Variants in SGO1 observed in about 807,000 individuals in gnomAD.
The protein encoded by SGO1 is serologically defined breast cancer antigen NY-BR-85.
Under a neutral mutation model 50.5 loss-of-function variants are expected in SGO1, and 39 were observed. The observed-to-expected ratio is 0.77, with a 90% CI of 0.60 to 1.01. SGO1 has a LOEUF of 1.01. SGO1 is among the 50% of genes least tolerant of loss of function. The pLI is 0.00. For missense variants in SGO1, 638 were observed against 606.0 expected (o/e 1.05, Z -0.55); for synonymous variants, 191 against 205.1 (o/e 0.93, Z 0.59).
chr3:20,169,258 G>A (rs140887085), downstream of SGO1: 65 of 985,234 alleles, frequency 6.6e-5, no homozygotes, highest in African/African-American at 1.0e-3. Context: ...AGATTACACA[G>A]AGATAAGTTG....
downstream of SGO1, among the ~76,000 whole-genome samples, chr3:20,168,291 A>G (rs761850123): frequency 6.6e-6 from 1 of 152,194 alleles, no homozygotes; most frequent in Admixed American, 6.5e-5. Flanking sequence ...AGGAGTTGGC[A>G]AACTTTTTTG....
chr3:20,178,947 G>A (rs188968062), intron 3 of SGO1, among the ~76,000 whole-genome samples: 93 of 152,276 alleles, frequency 6.1e-4, no homozygotes, highest in African/African-American at 2.1e-3. Flanking sequence ...TGAAAGATCA[G>A]TCTGAATTGA....
Position 20,174,719 on chromosome 3 carries a change from T to A in SGO1, c.812A>T (p.Asp271Val). ...QPGTFTKTKE[D>V]ILESKSEQTK... ...TTGTTCAGATTTAGATTCTAAAATG[T>A]CTTCTTTTGTTTTAGTAAACGTTCC... is the stretch of plus-strand genomic sequence containing the variant. Residue 271 changes from aspartate to valine, a missense_variant, in exon 6 of 8, where the codon GAC (aspartate) becomes GTC (valine). Physicochemically the swap from Asp to Val is radical, Grantham distance 152. Transcript: ENST00000412997. 1 of 1,613,996 alleles carries A rather than the reference T, an allele frequency of 6.2e-7. No homozygotes were observed.
Position 20,174,841 on chromosome 3 carries a change from G to T in SGO1, c.690C>A (p.Asp230Glu). 1 of 1,614,002 alleles carries T rather than the reference G, an allele frequency of 6.2e-7. No individual in the cohort carries two copies. Among genetic ancestry groups the T allele is most frequent in the Non-Finnish European group, 8.5e-7 (1 of 1,179,984 alleles). The change falls in exon 6 of 8, where the codon GAC (aspartate) becomes GAA (glutamate). Residue 230 changes from aspartate (D) to glutamate (E), a missense_variant. Transcript: ENST00000412997. ...CAGGTATGTGCATGTTTACTAGTGG[G>T]TCTAAAAATCCAACTCTTTCGAATT... Reference protein sequence around the residue: ...SFEFERVGFLDPLVNMHIPEN... With the variant: ...SFEFERVGFLEPLVNMHIPEN...
In SGO1 at chr3:20,170,639, C is replaced by T; in HGVS notation, c.*65G>A. 3 of 1,467,540 alleles carry T rather than the reference C, an allele frequency of 2.0e-6. No homozygotes were observed. The highest frequency in any genetic ancestry group is 2.5e-5 in the East Asian group (1 of 39,342). 90.9% of individuals were successfully genotyped at this position (1,467,540 alleles called of 1,614,324 possible). On this transcript the variant is annotated 3_prime_UTR_variant, in exon 8 of 8. Coordinates refer to ENST00000412997, the MANE Select transcript of SGO1 (RefSeq NM_001199251.3). Reference sequence around the variant, plus strand: ...GGCTCACTCTGTTTGTGTACTCTTACAGATCCTCTCCTGAAGCAACAGAAA... The same window carrying T: ...GGCTCACTCTGTTTGTGTACTCTTATAGATCCTCTCCTGAAGCAACAGAAA...
chr3:20,176,193 T>C (rs901572267), intron 5 of SGO1, among the ~76,000 whole-genome samples: 3 of 152,218 alleles, frequency 2.0e-5, no homozygotes, highest in Non-Finnish European at 4.4e-5. Context: ...GGAGTTCAAC[T>C]TTGATTTTAA....
downstream of SGO1, among the ~76,000 whole-genome samples, chr3:20,168,160 C>G (rs1413306896): frequency 6.6e-6 from 1 of 152,100 alleles, no homozygotes; most frequent in Non-Finnish European, 1.5e-5. Flanking sequence ...AACAATTCAA[C>G]ACTGATTTTA....
At chr3:20,186,717 A>C (rs1559383744), upstream of SGO1, 1 of 152,224 alleles carries the variant, frequency 6.6e-6, no homozygotes, top group Non-Finnish European at 1.5e-5. Context: ...TTTGCCGGCT[A>C]TCTCTGGCTC....
chr3:20,184,128 C>G, intron 1 of SGO1, 94 bp from the exon 2 acceptor site: 2 of 955,996 alleles, frequency 2.1e-6, no homozygotes, highest in Non-Finnish European at 2.9e-6. Context: ...ATTAAATAGA[C>G]TAAACTGTAG....
At chr3:20,175,736 T>C (rs1225709919) in intron 5 of SGO1, among the ~76,000 whole-genome samples, 2 of 151,770 alleles carry the variant, frequency 1.3e-5, no homozygotes, top group Non-Finnish European at 2.9e-5. Context: ...GAGGCAGAGC[T>C]TGTAGTGAGC....
intron 3 of SGO1, 58 bp downstream of exon 3, chr3:20,183,549 TA>T: frequency 7.5e-7 from 1 of 1,331,752 alleles, no homozygotes; most frequent in Non-Finnish European, 1.0e-6. Flanking sequence ...ATAATTGATC[TA>T]AACTACTTAT....
Position 20,183,473 on chromosome 3 carries a change from G to A in SGO1, c.339+135C>T, listed in dbSNP as rs528542667. The A allele has an allele frequency of 7.3e-5, 52 of 716,878 alleles. No homozygotes were observed. In the South Asian group the frequency reaches 1.1e-3, roughly 15 times the overall value. The allele number at this position is 716,878 out of a possible 1,614,324, so 44.4% of individuals were successfully genotyped here. A position where few individuals can be genotyped will look rare whatever the true frequency, so the allele number is the denominator to read the frequency against. On this transcript the variant is annotated intron_variant, in intron 3 of 7. Transcript: ENST00000412997. ...GGCCAAATGCAATAGCTATGCTGGAGCACTAAAGAAGGATGTTTTAAACAA... is the reference window on the plus strand; with the variant it reads ...GGCCAAATGCAATAGCTATGCTGGAACACTAAAGAAGGATGTTTTAAACAA...
intron 1 of SGO1, 102 bp from the exon 2 acceptor site, chr3:20,184,136 T>C (rs1702355240): frequency 2.4e-6 from 2 of 847,672 alleles, no homozygotes; most frequent in Non-Finnish European, 3.4e-6. Flanking sequence ...GACTAAACTG[T>C]AGAATTAGCT....
At chr3:20,161,190 A>C in exon 9 of SGO1, 1 of 1,609,876 alleles carries the variant, frequency 6.2e-7, no homozygotes, top group Non-Finnish European at 8.5e-7. Context: ...ATATAAAATA[A>C]AAATTGCTTC....
intron 6 of SGO1, among the ~76,000 whole-genome samples, chr3:20,172,545 A>G (rs557142153): frequency 5.4e-4 from 81 of 150,734 alleles, no homozygotes; most frequent in Non-Finnish European, 1.0e-3. Flanking sequence ...ACTCCACGGT[A>G]TGGGGTATGG....
downstream of SGO1, among the ~76,000 whole-genome samples, chr3:20,166,551 A>C (rs1700311769): frequency 6.6e-6 from 1 of 152,146 alleles, no homozygotes; most frequent in African/African-American, 2.4e-5. Flanking sequence ...ATAGAAAGTA[A>C]AAGTAGTGGT....
At chr3:20,179,515 CCTG>C (rs1258160090) in intron 3 of SGO1, among the ~76,000 whole-genome samples, 1 of 99,444 alleles carries the variant, frequency 1.0e-5, no homozygotes, top group East Asian at 5.1e-4. Context: ...GCCTTGAACT[CCTG>C]GGCACAAGCA....
intron 5 of SGO1, among the ~76,000 whole-genome samples, chr3:20,175,524 C>T (rs1167862151): frequency 3.3e-5 from 5 of 152,104 alleles, no homozygotes; most frequent in Non-Finnish European, 7.4e-5. Flanking sequence ...AGGCCAGGCA[C>T]GGTGGCTTAC....
rs76606324 is a variant in SGO1 at position 20,163,013 on chromosome 3, A to G, written c.1565-1787T>C. The stretch of plus-strand genomic sequence containing the variant: ...GAGTGCTTAAAGGAAAACTTACAGC[A>G]TTAAAAATACATTAAAATAAGAGAA... On this transcript the variant is annotated intron_variant, in intron 8 of 8. Coordinates refer to the SGO1 transcript ENST00000263753. Among the ~76,000 whole-genome samples the G allele has an allele frequency of 8.9e-4, 135 of 152,276 alleles. 2 individuals are homozygous for G. The East Asian group carries it at 0.012, about 14-fold the overall frequency.
Sources: allele counts gnomAD v4.1 joint callset (sites outside exome capture counted in the v4.1 genomes callset), GRCh38; gene constraint gnomAD v4.1.1; transcripts MANE v1.5; gene names NCBI Gene and HGNC (gene_info 2026-07-23, HGNC 2026-07-21).